RAP1GAP2: variants seen among roughly 807,000 people sequenced by gnomAD.
The protein encoded by RAP1GAP2 is rap1 GTPase-activating protein 2.
RAP1GAP2 carries 27 observed loss-of-function variants against 95.0 expected under a neutral mutation model. The observed-to-expected ratio is 0.28, with a 90% CI of 0.21 to 0.39. The LOEUF is 0.39. RAP1GAP2 is among the 10% of genes least tolerant of loss of function. The probability of loss-of-function intolerance (pLI) is 1.00; values close to 1 mark genes in which losing one functional copy is unlikely to be tolerated. For synonymous variants in RAP1GAP2, 373 were observed against 380.9 expected (o/e 0.98, Z 0.24); for missense variants, 771 against 970.0 (o/e 0.79, Z 2.72).
chr17:3,013,328 C>T (rs2046628581), intron 17 of RAP1GAP2, among the ~76,000 whole-genome samples: 1 of 152,222 alleles, frequency 6.6e-6, no homozygotes, highest in Non-Finnish European at 1.5e-5. Context: ...TCCTTTTCCT[C>T]CTGATGGGGA....
intron 3 of RAP1GAP2, among the ~76,000 whole-genome samples, chr17:2,920,922 C>G (rs1364056231): frequency 6.6e-6 from 1 of 152,172 alleles, no homozygotes; most frequent in Non-Finnish European, 1.5e-5. Context: ...GACACTCAAG[C>G]CTGCTGTGTC....
At chr17:2,927,324 T>C (rs914407055) in intron 3 of RAP1GAP2, among the ~76,000 whole-genome samples, 3 of 151,268 alleles carry the variant, frequency 2.0e-5, no homozygotes, top group African/African-American at 4.9e-5. Flanking sequence ...CGGCTAATTT[T>C]TTGTATTTTT....
chr17:3,016,625 C>T (rs1474885007), intron 17 of RAP1GAP2, among the ~76,000 whole-genome samples: 1 of 152,224 alleles, frequency 6.6e-6, no homozygotes, highest in Non-Finnish European at 1.5e-5. Context: ...TGCTGCGGGT[C>T]TCCCAGTTCC....
chr17:3,017,207 G>A (rs2046798087), intron 17 of RAP1GAP2, among the ~76,000 whole-genome samples: 1 of 152,052 alleles, frequency 6.6e-6, no homozygotes, highest in Admixed American at 6.5e-5. Flanking sequence ...GTTTTTAGCT[G>A]TTCTCACTCT....
intron 2 of RAP1GAP2, among the ~76,000 whole-genome samples, chr17:2,865,445 G>T (rs1394419581): frequency 6.6e-6 from 1 of 152,164 alleles, no homozygotes; most frequent in Non-Finnish European, 1.5e-5. Flanking sequence ...AAGCTGAAAG[G>T]TCTCCTGGCT....
chr17:3,017,184 C>T (rs1468157729), intron 17 of RAP1GAP2, among the ~76,000 whole-genome samples: 4 of 152,138 alleles, frequency 2.6e-5, no homozygotes, highest in African/African-American at 7.2e-5. Flanking sequence ...CCTCCCGTGG[C>T]TGAGTAATCT....
intron 8 of RAP1GAP2, among the ~76,000 whole-genome samples, chr17:2,970,838 A>G (rs2044837256): frequency 6.6e-6 from 1 of 151,698 alleles, no homozygotes. Context: ...CCAGGAGTTC[A>G]AGACCAGCCT....
intron 12 of RAP1GAP2, among the ~76,000 whole-genome samples, chr17:2,992,663 A>G (rs191818399): frequency 2.0e-5 from 3 of 152,250 alleles, no homozygotes; most frequent in Non-Finnish European, 4.4e-5. Context: ...AGCTCCTCAC[A>G]TCGTGTGAAA....
chr17:2,930,811 CAAA>C (rs2043118572), intron 3 of RAP1GAP2, among the ~76,000 whole-genome samples: 1 of 152,260 alleles, frequency 6.6e-6, no homozygotes, highest in African/African-American at 2.4e-5. Context: ...AAAATCGAAA[CAAA>C]GAAATACAAT....
chr17:2,982,945 C>T (rs189688266), intron 10 of RAP1GAP2, among the ~76,000 whole-genome samples: 53 of 152,344 alleles, frequency 3.5e-4, no homozygotes, highest in African/African-American at 1.2e-3. Flanking sequence ...GAGTTTAGAA[C>T]GTTCTTTGGA....
intron 2 of RAP1GAP2, among the ~76,000 whole-genome samples, chr17:2,861,232 A>G (rs2072374450): frequency 6.6e-6 from 1 of 150,696 alleles, no homozygotes; most frequent in South Asian, 2.1e-4. Flanking sequence ...ACCCTGCTGT[A>G]TTTCCTCCAT....
chr17:2,826,379 G>A (rs1282126279), intron 2 of RAP1GAP2, among the ~76,000 whole-genome samples: 2 of 151,800 alleles, frequency 1.3e-5, no homozygotes, highest in African/African-American at 2.4e-5. Context: ...TTGAGAAGCG[G>A]TGAGCCAGGC....
intron 19 of RAP1GAP2, 31 bp from the exon 20 acceptor site, chr17:3,025,977 G>C (rs114471322): frequency 6.5e-7 from 1 of 1,526,792 alleles, no homozygotes; most frequent in Admixed American, 1.7e-5. Context: ...GGCTGTCTCC[G>C]CGGCCTCACT....
At chr17:2,776,731 G>A (rs1233552822), upstream of RAP1GAP2, among the ~76,000 whole-genome samples, 2 of 149,608 alleles carry the variant, frequency 1.3e-5, no homozygotes, top group East Asian at 1.9e-4. Flanking sequence ...GTGTGCGGGC[G>A]GTGGCGGCTG....
intron 2 of RAP1GAP2, among the ~76,000 whole-genome samples, chr17:2,822,970 G>A (rs191095805): frequency 5.5e-4 from 84 of 152,208 alleles, no homozygotes; most frequent in African/African-American, 1.1e-3. Context: ...AAAAGTAGCC[G>A]GGTGTGGTGG....
chr17:2,864,189 C>T (rs751813761), intron 2 of RAP1GAP2, among the ~76,000 whole-genome samples: 12 of 152,070 alleles, frequency 7.9e-5, no homozygotes, highest in South Asian at 2.1e-4. Context: ...CAGTCTGAGG[C>T]GGAGGTGGGG....
At chr17:3,021,575 A>G (rs1051293087) in intron 19 of RAP1GAP2, among the ~76,000 whole-genome samples, 1 of 151,772 alleles carries the variant, frequency 6.6e-6, no homozygotes, top group Non-Finnish European at 1.5e-5. Flanking sequence ...AGCTGGGACT[A>G]CAGGCGCATG....
At chr17:2,898,629 TG>T (rs2041920642) in intron 2 of RAP1GAP2, among the ~76,000 whole-genome samples, 1 of 152,224 alleles carries the variant, frequency 6.6e-6, no homozygotes, top group Admixed American at 6.5e-5. Context: ...CCACAGTATG[TG>T]GGGCAGCGAG....
chr17:3,029,120 T>G lies in RAP1GAP2; in HGVS notation c.2108-1802T>G, dbSNP rs1397527614. Among the ~76,000 whole-genome samples the G allele has an allele frequency of 6.6e-6, 1 of 152,168 alleles. No homozygotes were observed. Among genetic ancestry groups the G allele is most frequent in the East Asian group, 1.9e-4 (1 of 5,188 alleles). ...ACCTGGTGTTTTTGTTTTGTTTTGT[T>G]TTGTTTTCTAAATAAGACTTAAATA... On this transcript the variant is annotated intron_variant, in intron 22 of 24. Transcript: ENST00000254695. The surrounding 1 kb of genome is among the most constrained non-coding windows in gnomAD (Gnocchi z 4.4).
Sources: gnomAD v4.1 joint callset for allele counts (sites outside exome capture counted in the v4.1 genomes callset) on GRCh38, gnomAD v4.1.1 for gene constraint, Gnocchi (gnomAD v3.1) non-coding constraint, MANE v1.5 for transcripts, NCBI Gene and HGNC (gene_info 2026-07-23, HGNC 2026-07-21) for gene names.